The following ZFPM1 variants were observed in gnomAD, a reference collection of about 807,000 sequenced individuals.
ZFPM1 encodes zinc finger protein, FOG family member 1.
ZFPM1 carries 28 observed loss-of-function variants against 46.3 expected under a neutral mutation model. The ratio of observed to expected loss-of-function variants is 0.60; its 90% CI spans 0.45 to 0.83. ZFPM1 has a LOEUF of 0.83. ZFPM1 is among the 40% of genes least tolerant of loss of function. ZFPM1 has a pLI of 0.00. For synonymous variants in ZFPM1, 957 were observed against 675.9 expected (o/e 1.42, Z -6.45); for missense variants, 1,878 against 1,432.4 (o/e 1.31, Z -5.02).
chr16:88,482,891 C>G (rs1875177782), intron 1 of ZFPM1, among the ~76,000 whole-genome samples: 1 of 152,342 alleles, frequency 6.6e-6, no homozygotes, highest in African/African-American at 2.4e-5. Flanking sequence ...ACCTCCTGAC[C>G]TTCTGGATGG....
chr16:88,526,437 G>A (rs1193834478), intron 4 of ZFPM1, among the ~76,000 whole-genome samples: 3 of 146,020 alleles, frequency 2.1e-5, no homozygotes, highest in Non-Finnish European at 4.5e-5. Flanking sequence ...AAGGGTGGGC[G>A]AGCAGTGGGG....
At position 88,532,628 on chromosome 16, in the gene ZFPM1, G is replaced by A. The variant is rs772397269; in HGVS notation, c.961G>A (p.Val321Met). ...CTGTGTTCCAGGAGAGCGGCCCTTC[G>A]TGTGCCTGATCTGCCTGTCGGCCTT... ...MRSHSGERPF[V>M]CLICLSAFTT... The change falls in exon 8 of 10, where the codon GTG becomes ATG. Residue 321 changes from valine to methionine, a missense_variant. Transcript: ENST00000319555. 2 of 1,574,870 alleles carry A rather than the reference G, an allele frequency of 1.3e-6. No homozygotes were observed. The highest frequency in any genetic ancestry group is 1.9e-5 in the Admixed American group (1 of 53,532).
intron 1 of ZFPM1, among the ~76,000 whole-genome samples, chr16:88,478,789 C>G (rs1326989044): frequency 1.3e-5 from 2 of 152,098 alleles, no homozygotes; most frequent in African/African-American, 2.4e-5. Context: ...TGCTGAGGCC[C>G]CAAGGCAAGG....
intron 2 of ZFPM1, among the ~76,000 whole-genome samples, chr16:88,486,800 ATGCTGGGTGCACAGCAGATGGG>A (rs1369512821): frequency 1.5e-5 from 2 of 136,260 alleles, no homozygotes; most frequent in African/African-American, 5.7e-5. Context: ...TGCACAGTGG[ATGCTGGGTGCACAGCAGATGGG>A]TGCTGGGTGC....
At chr16:88,467,387 A>G (rs1372656724) in intron 1 of ZFPM1, among the ~76,000 whole-genome samples, 2 of 152,166 alleles carry the variant, frequency 1.3e-5, no homozygotes, top group African/African-American at 4.8e-5. Flanking sequence ...GGCCATGGCC[A>G]ACCCCCCTGA....
At chr16:88,495,665 G>A (rs1909892183) in intron 3 of ZFPM1, among the ~76,000 whole-genome samples, 1 of 152,196 alleles carries the variant, frequency 6.6e-6, no homozygotes, top group Non-Finnish European at 1.5e-5. Context: ...GGAGTGAGGA[G>A]GCGGCCTCAG....
chr16:88,486,065 C>T (rs770247113), intron 2 of ZFPM1, 22 bp downstream of exon 2: 4 of 1,601,454 alleles, frequency 2.5e-6, no homozygotes, highest in East Asian at 2.3e-5. Flanking sequence ...TGAGCCCTCT[C>T]ACCGCGCCTC....
chr16:88,484,870 G>A lies in ZFPM1; in HGVS notation c.41-1069G>A, dbSNP rs188266212. On this transcript the variant is annotated intron_variant, in intron 1 of 9. Coordinates refer to ENST00000319555, the MANE Select transcript of ZFPM1 (RefSeq NM_153813.3). ...GCAGCTGCCCCCGCACTTGGGCCGC[G>A]TGGCCTTGTCTCAGTCTGCCTTGTC... Among the ~76,000 whole-genome samples, 243 of 152,348 alleles carry A rather than the reference G, an allele frequency of 1.6e-3. 1 individual carries two copies. Among genetic ancestry groups the A allele is most frequent in the African/African-American group, 5.2e-3 (218 of 41,578 alleles).
chr16:88,487,947 C>T (rs889307833), intron 2 of ZFPM1, among the ~76,000 whole-genome samples: 1 of 152,222 alleles, frequency 6.6e-6, no homozygotes, highest in African/African-American at 2.4e-5. Flanking sequence ...CTGTCCTTGC[C>T]GCCGTCCCCG....
At position 88,526,298 on chromosome 16, in the gene ZFPM1, T is replaced by C. The variant is rs575662085; in HGVS notation, c.403-516T>C. The stretch of plus-strand genomic sequence containing the variant: ...CGAGGGTTGCTAGGGAAGTGCCGTA[T>C]CTTCTGGGCTAATCTCGGCCCCAGC... On this transcript the variant is annotated intron_variant, in intron 4 of 9. Transcript: ENST00000319555. Among the ~76,000 whole-genome samples, 5 of 152,242 alleles carry C rather than the reference T, an allele frequency of 3.3e-5. No homozygotes were observed. The South Asian group carries it at 1.0e-3, about 32-fold the overall frequency.
chr16:88,473,812 C>T (rs1331449733), intron 1 of ZFPM1, among the ~76,000 whole-genome samples: 2 of 152,210 alleles, frequency 1.3e-5, no homozygotes, highest in African/African-American at 4.8e-5. Context: ...GGCCTGACCC[C>T]ATCCTCACCT....
In ZFPM1 at chr16:88,526,839, T is replaced by C; in HGVS notation, c.428T>C (p.Val143Ala). ...EPSPALTLLL[V>A]DEACWLRTLP... ...AGCCCAGCCCTGACCCTGCTGCTGG[T>C]GGACGAGGCCTGCTGGCTGAGGACG... The change falls in exon 5 of 10, where the codon GTG becomes GCG. Residue 143 changes from valine (V) to alanine (A), a missense_variant. Transcript: ENST00000319555. 2 of 1,288,590 alleles carry C rather than the reference T, an allele frequency of 1.6e-6. No individual in the cohort carries two copies. The highest frequency in any genetic ancestry group is 2.1e-6 in the Non-Finnish European group (2 of 955,628). 79.8% of individuals were successfully genotyped at this position (1,288,590 alleles called of 1,614,324 possible).
At chr16:88,460,899 G>T (rs1225163270) in intron 1 of ZFPM1, among the ~76,000 whole-genome samples, 2 of 144,800 alleles carry the variant, frequency 1.4e-5, no homozygotes, top group South Asian at 2.2e-4. Context: ...TGAGGGATGG[G>T]AGGCCTGGTG....
chr16:88,482,366 C>G (rs1466295152), intron 1 of ZFPM1, among the ~76,000 whole-genome samples: 4 of 152,192 alleles, frequency 2.6e-5, no homozygotes, highest in Non-Finnish European at 2.9e-5. Context: ...CAGCATCCAC[C>G]TCGACACATC....
chr16:88,489,022 T>C lies in ZFPM1; in HGVS notation c.146-9T>C. The C allele has an allele frequency of 6.2e-7, 1 of 1,611,122 alleles. No homozygotes were observed. Among genetic ancestry groups the C allele is most frequent in the African/African-American group, 1.3e-5 (1 of 74,944 alleles). On this transcript the variant is annotated splice_polypyrimidine_tract_variant and intron_variant, in intron 2 of 9. Transcript: ENST00000319555. ...CAGCAGGGATGTGACGGTGTTTTCC[T>C]CTCTGCAGATGTTAACTCACCCCCA...
At chr16:88,532,960 C>G in intron 9 of ZFPM1, 25 bp downstream of exon 9, 1 of 1,612,154 alleles carries the variant, frequency 6.2e-7, no homozygotes, top group Non-Finnish European at 8.5e-7. Context: ...GGGGGCCACC[C>G]CTGCCCCTTA....
At chr16:88,455,828 G>A (rs1485025833) in intron 1 of ZFPM1, among the ~76,000 whole-genome samples, 3 of 152,164 alleles carry the variant, frequency 2.0e-5, no homozygotes, top group South Asian at 4.1e-4. Context: ...GCCAGATGGC[G>A]GAGGCGATAG....
chr16:88,503,307 G>A (rs1294631496), intron 3 of ZFPM1, among the ~76,000 whole-genome samples: 1 of 145,072 alleles, frequency 6.9e-6, no homozygotes, highest in Non-Finnish European at 1.5e-5. Context: ...TGTCTGGGGA[G>A]GGGCCCACGG....
intron 1 of ZFPM1, among the ~76,000 whole-genome samples, chr16:88,461,899 T>G (rs1277702387): frequency 6.6e-6 from 1 of 152,124 alleles, no homozygotes; most frequent in East Asian, 1.9e-4. Flanking sequence ...AGGCGTGACA[T>G]GTGTGAGGTT....
Sources: allele counts gnomAD v4.1 joint callset (sites outside exome capture counted in the v4.1 genomes callset), GRCh38; gene constraint gnomAD v4.1.1; transcripts MANE v1.5; gene names NCBI Gene and HGNC (gene_info 2026-07-23, HGNC 2026-07-21).